Variants in PPIC observed in about 807,000 individuals in gnomAD.
PPIC encodes the protein peptidylprolyl isomerase C.
PPIC carries 19 observed loss-of-function variants against 19.5 expected under a neutral mutation model. The observed-to-expected ratio is 0.98, with a 90% CI of 0.68 to 1.43. The LOEUF (loss-of-function observed/expected upper bound fraction) is 1.43. Among genes scored for constraint, PPIC ranks in the 40% most tolerant of loss-of-function variants. The pLI is 0.00. For synonymous variants in PPIC, 107 were observed against 101.2 expected (o/e 1.06, Z -0.34); for missense variants, 268 against 268.6 (o/e 1.00, Z 0.02).
intron 1 of PPIC, among the ~76,000 whole-genome samples, chr5:123,034,239 A>G (rs1431211967): frequency 1.3e-5 from 2 of 152,248 alleles, no homozygotes; most frequent in Non-Finnish European, 2.9e-5. Context: ...CAAGTTCATG[A>G]AAAAGTAATT....
intron 1 of PPIC, among the ~76,000 whole-genome samples, chr5:123,030,331 T>C (rs796783741): frequency 6.6e-6 from 1 of 152,322 alleles, no homozygotes; most frequent in East Asian, 1.9e-4. Flanking sequence ...GATTCTGAAA[T>C]AGAACGCTTG....
chr5:123,036,530 T>A lies in PPIC; in HGVS notation c.96A>T (p.Arg32=), dbSNP rs754967521. ...TCACCTTGGCCGTCACCGAGGGGCC[T>A]CGCTTGCGGAAGCCCTCGGCCCCCG... is the stretch of plus-strand genomic sequence containing the variant. ...FSSGAEGFRK[R]GPSVTAKVFF... is the part of the protein sequence containing the mutation. The change falls in exon 1 of 5, where the codon CGA becomes CGT. Residue 32 remains arginine, a synonymous_variant. Coordinates refer to ENST00000306442, the MANE Select transcript of PPIC (RefSeq NM_000943.5). This position sits in a 1 kb window ranked among gnomAD's most constrained non-coding sequence, Gnocchi z 4.5. 9 of 1,606,464 alleles carry A rather than the reference T, an allele frequency of 5.6e-6. No individual in the cohort carries two copies. The South Asian group carries it at 8.9e-5, about 16-fold the overall frequency.
At position 123,036,493 on chromosome 5, in the gene PPIC, C is replaced by A; in HGVS notation, c.117+16G>T. 1 of 1,599,490 alleles carries A rather than the reference C, an allele frequency of 6.3e-7. No homozygotes were observed. Among genetic ancestry groups the A allele is most frequent in the Non-Finnish European group, 8.5e-7 (1 of 1,172,766 alleles). On this transcript the variant is annotated intron_variant, in intron 1 of 4. Coordinates refer to ENST00000306442, the MANE Select transcript of PPIC (RefSeq NM_000943.5). The surrounding 1 kb of genome is among the most constrained non-coding windows in gnomAD (Gnocchi z 4.5). ...GCCCGCAACAGGGGAAGTTGCAGCC[C>A]GCCGCTCTCGGTCACCTTGGCCGTC... is the stretch of plus-strand genomic sequence containing the variant.
At chr5:123,031,471 A>G (rs545179645) in intron 1 of PPIC, among the ~76,000 whole-genome samples, 2 of 152,256 alleles carry the variant, frequency 1.3e-5, no homozygotes, top group Admixed American at 6.5e-5. Context: ...TCTGGAACCA[A>G]TGCACCTAGG....
At chr5:123,034,647 A>G (rs927365019) in intron 1 of PPIC, among the ~76,000 whole-genome samples, 1 of 152,234 alleles carries the variant, frequency 6.6e-6, no homozygotes, top group Non-Finnish European at 1.5e-5. Context: ...CAGGGGACGT[A>G]CTTACACTAA....
In PPIC at chr5:123,023,373, G is replaced by C. The variant is rs1011555424; in HGVS notation, c.*502C>G. The C allele has an allele frequency of 6.6e-6, 1 of 152,058 alleles. No individual in the cohort carries two copies. Among genetic ancestry groups the C allele is most frequent in the Non-Finnish European group, 1.5e-5 (1 of 68,026 alleles). The allele number at this position is 152,058 out of a possible 1,614,324, so 9.4% of individuals were successfully genotyped here. On this transcript the variant is annotated 3_prime_UTR_variant, in exon 5 of 5. Transcript: ENST00000306442. ...GAACTTTACATTTTTAAAAAGTCTT[G>C]CAAAAAGAGTTGATCTAAAAGTATT...
At chr5:123,026,857 C>T (rs897195055) in intron 3 of PPIC, among the ~76,000 whole-genome samples, 2 of 152,186 alleles carry the variant, frequency 1.3e-5, no homozygotes, top group Non-Finnish European at 2.9e-5. Flanking sequence ...TGTAGGGCCC[C>T]TTATCTATCA....
chr5:123,030,627 G>C (rs1170798724), intron 1 of PPIC, among the ~76,000 whole-genome samples: 1 of 152,136 alleles, frequency 6.6e-6, no homozygotes, highest in Non-Finnish European at 1.5e-5. Flanking sequence ...GGCCAAAGCA[G>C]CAAAACTTTT....
Position 123,023,694 on chromosome 5 carries a change from A to G in PPIC, c.*181T>C, listed in dbSNP as rs940769022. 35 of 965,982 alleles carry G rather than the reference A, an allele frequency of 3.6e-5. No homozygotes were observed. Among genetic ancestry groups the G allele is most frequent in the Middle Eastern group, 3.8e-4 (1 of 2,646 alleles). 59.8% of individuals were successfully genotyped at this position (965,982 alleles called of 1,614,324 possible). A position where few individuals can be genotyped will look rare whatever the true frequency, so the allele number is the denominator to read the frequency against. ...AAAGTCCCTAAGCAGGTGGTTTACT[A>G]AAGTTCAAGCAAACTAAAGGGTGAC... On this transcript the variant is annotated 3_prime_UTR_variant, in exon 5 of 5. Coordinates refer to ENST00000306442, the MANE Select transcript of PPIC (RefSeq NM_000943.5).
chr5:123,036,518 C>CA lies in PPIC; in HGVS notation c.107dup (p.Thr37AspfsTer7), dbSNP rs1379735865. The stretch of plus-strand genomic sequence containing the variant: ...CGCCGCTCTCGGTCACCTTGGCCGT[C>CA]ACCGAGGGGCCTCGCTTGCGGAAGC... On this transcript the variant is annotated frameshift_variant, in exon 1 of 5. Coordinates refer to ENST00000306442, the MANE Select transcript of PPIC (RefSeq NM_000943.5). LOFTEE classifies it high-confidence loss of function. This position sits in a 1 kb window ranked among gnomAD's most constrained non-coding sequence, Gnocchi z 4.5. 1.9e-6 allele frequency: 3 copies of CA among 1,606,602 alleles called. No homozygotes were observed. The highest frequency in any genetic ancestry group is 2.5e-6 in the Non-Finnish European group (3 of 1,177,874).
At chr5:123,034,621 C>T (rs1344636090) in intron 1 of PPIC, among the ~76,000 whole-genome samples, 1 of 152,232 alleles carries the variant, frequency 6.6e-6, no homozygotes, top group African/African-American at 2.4e-5. Context: ...CAGGTGAAAC[C>T]TGTTCCCAAA....
chr5:123,027,982 T>A (rs45502101), intron 3 of PPIC, among the ~76,000 whole-genome samples: 2 of 152,338 alleles, frequency 1.3e-5, no homozygotes, highest in South Asian at 4.1e-4. Flanking sequence ...TTTATTGAAC[T>A]CCAACTTTGT....
rs750629331 is a variant in PPIC at position 123,023,839 on chromosome 5, C to T, written c.*36G>A. On this transcript the variant is annotated 3_prime_UTR_variant, in exon 5 of 5. Transcript: ENST00000306442. ...ACACACACACACACACACACACACC[C>T]CTGCCAAAGCATATCCTTGTTTTCT... The T allele has an allele frequency of 6.2e-7, 1 of 1,609,314 alleles. No homozygotes were observed. Among genetic ancestry groups the T allele is most frequent in the South Asian group, 1.1e-5 (1 of 90,350 alleles).
chr5:123,036,366 A>C lies in PPIC; in HGVS notation c.117+143T>G. 3.8e-5 allele frequency: 27 copies of C among 709,398 alleles called. No individual in the cohort carries two copies. The highest frequency in any genetic ancestry group is 2.9e-5 in the East Asian group (1 of 34,666). 43.9% of individuals were successfully genotyped at this position (709,398 alleles called of 1,614,324 possible). On this transcript the variant is annotated intron_variant, in intron 1 of 4. Coordinates refer to ENST00000306442, the MANE Select transcript of PPIC (RefSeq NM_000943.5). The surrounding 1 kb of genome is among the most constrained non-coding windows in gnomAD (Gnocchi z 4.5). ...CCCAGCACGCGAGCAGCCCCCTCCC[A>C]CCCAGTCCCGCGGCCGCCTCCAGTC...
At chr5:123,024,925 G>C (rs1227811708) in intron 4 of PPIC, among the ~76,000 whole-genome samples, 1 of 152,216 alleles carries the variant, frequency 6.6e-6, no homozygotes, top group African/African-American at 2.4e-5. Context: ...CTGTAAGGCA[G>C]AAATATTGAG....
At chr5:123,031,097 T>C (rs1762934990) in intron 1 of PPIC, among the ~76,000 whole-genome samples, 1 of 152,190 alleles carries the variant, frequency 6.6e-6, no homozygotes, top group Non-Finnish European at 1.5e-5. Flanking sequence ...AATTGAAATA[T>C]CCTTCAGCTT....
intron 3 of PPIC, among the ~76,000 whole-genome samples, chr5:123,027,483 C>T (rs1250954581): frequency 6.6e-6 from 1 of 152,186 alleles, no homozygotes; most frequent in Non-Finnish European, 1.5e-5. Flanking sequence ...GATGCCAGCA[C>T]CGAGGGCACG....
rs111887088 is a variant in PPIC at position 123,027,643 on chromosome 5, A to C, written c.325+1132T>G. Among the ~76,000 whole-genome samples, 648 of 152,334 alleles carry C rather than the reference A, an allele frequency of 4.3e-3. 6 individuals are homozygous for C. The highest frequency in any genetic ancestry group is 0.015 in the African/African-American group (616 of 41,578). On this transcript the variant is annotated intron_variant, in intron 3 of 4. Transcript: ENST00000306442. ...CAAGAACTAGAAGTAATCTTCACAA[A>C]GTGCCTGGCAAATCAAAGCACTTAA...
At chr5:123,024,532 C>T (rs932049481) in intron 4 of PPIC, among the ~76,000 whole-genome samples, 4 of 152,176 alleles carry the variant, frequency 2.6e-5, no homozygotes, top group Non-Finnish European at 2.9e-5. Context: ...GTAACCCCAG[C>T]CCCCCACAGT....
Sources: allele counts gnomAD v4.1 joint callset (sites outside exome capture counted in the v4.1 genomes callset), GRCh38; gene constraint gnomAD v4.1.1; non-coding constraint Gnocchi (gnomAD v3.1); transcripts MANE v1.5; gene names NCBI Gene and HGNC (gene_info 2026-07-23, HGNC 2026-07-21).